The following TMEM178B variants were observed in gnomAD, a reference collection of about 807,000 sequenced individuals.
TMEM178B encodes the protein transmembrane protein 178B.
TMEM178B carries 5 observed loss-of-function variants against 31.0 expected under a neutral mutation model. The ratio of observed to expected loss-of-function variants is 0.16; its 90% CI spans 0.08 to 0.34. TMEM178B has a LOEUF of 0.34. TMEM178B is among the 10% of genes least tolerant of loss of function. TMEM178B has a pLI of 1.00. For synonymous variants in TMEM178B, 164 were observed against 164.0 expected, an observed-to-expected ratio of 1.00 and a Z score of 0.00; for missense variants, 275 against 400.3, an observed-to-expected ratio of 0.69 and a Z score of 2.67.
At chr7:141,431,699 C>T (rs2116670578) in intron 2 of TMEM178B, among the ~76,000 whole-genome samples, 1 of 152,290 alleles carries the variant, frequency 6.6e-6, no homozygotes, top group South Asian at 2.1e-4. Context: ...AGTCCCACAT[C>T]ATATTTTTCC....
At chr7:141,460,178 C>T (rs927182512) in intron 3 of TMEM178B, among the ~76,000 whole-genome samples, 1 of 152,206 alleles carries the variant, frequency 6.6e-6, no homozygotes, top group African/African-American at 2.4e-5. Context: ...TAAAACATTA[C>T]AAATTAATTT....
chr7:141,247,134 G>T (rs538167658), intron 2 of TMEM178B, among the ~76,000 whole-genome samples: 13 of 151,814 alleles, frequency 8.6e-5, no homozygotes, highest in East Asian at 5.8e-4. Context: ...TGTATATATA[G>T]AGAGAGAACT....
At chr7:141,239,781 T>A (rs1019405661) in intron 2 of TMEM178B, among the ~76,000 whole-genome samples, 1 of 152,176 alleles carries the variant, frequency 6.6e-6, no homozygotes, top group Non-Finnish European at 1.5e-5. Context: ...TACATGGAGC[T>A]TTTCCATAGG....
chr7:141,148,457 G>A (rs891067015), intron 1 of TMEM178B, among the ~76,000 whole-genome samples: 1 of 152,180 alleles, frequency 6.6e-6, no homozygotes, highest in Non-Finnish European at 1.5e-5. Context: ...GTGCAAAGTA[G>A]GCAGGGAAGT....
At position 141,411,592 on chromosome 7, in the gene TMEM178B, G is replaced by A. The variant is rs570202618; in HGVS notation, c.497-26016G>A. Among the ~76,000 whole-genome samples, 9 of 152,242 alleles carry A rather than the reference G, an allele frequency of 5.9e-5. No individual in the cohort carries two copies. In the South Asian group the frequency reaches 1.2e-3, roughly 21 times the overall value. On this transcript the variant is annotated intron_variant, in intron 2 of 3. Coordinates refer to ENST00000565468, the MANE Select transcript of TMEM178B (RefSeq NM_001195278.2). Reference sequence around the variant, plus strand: ...CTCTTAGCTTTAGGATATAAAAAATGGATTATGTATAATTTGGGTTGTTCA... The same window carrying A: ...CTCTTAGCTTTAGGATATAAAAAATAGATTATGTATAATTTGGGTTGTTCA...
At position 141,324,016 on chromosome 7, in the gene TMEM178B, C is replaced by T. The variant is rs796503757; in HGVS notation, c.496+111312C>T. 3.3e-5 allele frequency among the ~76,000 whole-genome samples: 5 copies of T among 152,048 alleles called. 1 individual carries two copies. The highest frequency in any genetic ancestry group is 1.2e-4 in the African/African-American group (5 of 41,470). On this transcript the variant is annotated intron_variant, in intron 2 of 3. Transcript: ENST00000565468. Reference sequence around the variant, plus strand: ...ACCAGCAAGTGCAAATGTCCTGAGGCATCGAGATGCTGGTACATTCAAGAA... The same window carrying T: ...ACCAGCAAGTGCAAATGTCCTGAGGTATCGAGATGCTGGTACATTCAAGAA...
intron 2 of TMEM178B, among the ~76,000 whole-genome samples, chr7:141,397,590 C>A (rs1800680376): frequency 6.6e-6 from 1 of 152,168 alleles, no homozygotes; most frequent in African/African-American, 2.4e-5. Flanking sequence ...TACCCGTCAG[C>A]CCATTTGTAA....
intron 2 of TMEM178B, among the ~76,000 whole-genome samples, chr7:141,233,374 T>C (rs1249091182): frequency 6.6e-6 from 1 of 152,258 alleles, no homozygotes; most frequent in Non-Finnish European, 1.5e-5. Flanking sequence ...AGGAAATTGC[T>C]GAAGGTCGAA....
At chr7:141,506,803 G>A in the TMEM178B span, among the ~76,000 whole-genome samples, 3 of 152,084 alleles carry the variant, frequency 2.0e-5, no homozygotes, top group Non-Finnish European at 4.4e-5. Context: ...AGTCCCTTCC[G>A]CCTATGAGCC....
intron 2 of TMEM178B, chr7:141,414,992 G>C (rs980700220): frequency 1.3e-5 from 2 of 152,290 alleles, no homozygotes; most frequent in Admixed American, 1.3e-4. Flanking sequence ...GAGAGGAAGT[G>C]CCTTCTCTCC....
intron 1 of TMEM178B, among the ~76,000 whole-genome samples, chr7:141,088,000 G>A (rs1041031362): frequency 6.6e-6 from 1 of 152,158 alleles, no homozygotes. Flanking sequence ...GGTAACCACA[G>A]GGCTGGAAGA....
rs529862841 is a variant in TMEM178B at position 141,348,510 on chromosome 7, G to T, written c.497-89098G>T. 2.0e-5 allele frequency among the ~76,000 whole-genome samples: 3 copies of T among 152,302 alleles called. No individual in the cohort carries two copies. The South Asian group carries it at 6.2e-4, about 32-fold the overall frequency. ...AGGAGACCATCTCTGGGCCATCTTG[G>T]CAATTGTAATTTAGGGGGAGAGCAG... On this transcript the variant is annotated intron_variant, in intron 2 of 3. Transcript: ENST00000565468.
rs1794570328 is a variant in TMEM178B at position 141,074,775 on chromosome 7, C to T, written c.382+83C>T. 2.1e-6 allele frequency: 3 copies of T among 1,429,642 alleles called. No homozygotes were observed. Among genetic ancestry groups the T allele is most frequent in the Admixed American group, 2.9e-5 (1 of 34,946 alleles). The allele number at this position is 1,429,642 out of a possible 1,614,324, so 88.6% of individuals were successfully genotyped here. On this transcript the variant is annotated intron_variant, in intron 1 of 3. Coordinates refer to ENST00000565468, the MANE Select transcript of TMEM178B (RefSeq NM_001195278.2). This position sits in a 1 kb window ranked among gnomAD's most constrained non-coding sequence, Gnocchi z 5.1. ...AGCCCCTCGCGTCTCCTTCCCAGGC[C>T]ACAGGCTATCAGGTCTCTGGGTTCC... is the stretch of plus-strand genomic sequence containing the variant.
intron 1 of TMEM178B, among the ~76,000 whole-genome samples, chr7:141,192,589 C>G (rs911785428): frequency 6.6e-6 from 1 of 151,858 alleles, no homozygotes; most frequent in Admixed American, 6.6e-5. Flanking sequence ...CCCAGCCTCC[C>G]GAATAGCTGC....
intron 1 of TMEM178B, among the ~76,000 whole-genome samples, chr7:141,170,422 A>T (rs1796328931): frequency 1.3e-5 from 2 of 151,716 alleles, no homozygotes; most frequent in Non-Finnish European, 2.9e-5. Flanking sequence ...TTTTTTATTG[A>T]GTGTGTTGTG....
At chr7:141,280,012 G>C (rs1412862865) in intron 2 of TMEM178B, among the ~76,000 whole-genome samples, 1 of 152,248 alleles carries the variant, frequency 6.6e-6, no homozygotes, top group Non-Finnish European at 1.5e-5. Context: ...TGGCATGAGA[G>C]GGGCAAGGGT....
intron 1 of TMEM178B, among the ~76,000 whole-genome samples, chr7:141,138,063 A>AT (rs202146160): frequency 0.11 from 15,390 of 141,276 alleles, 1,038 homozygotes; most frequent in Non-Finnish European, 0.16. Context: ...TTAAAATTCA[A>AT]TTTTTTTTTT....
At chr7:141,207,983 A>G (rs1032370156) in intron 1 of TMEM178B, among the ~76,000 whole-genome samples, 1 of 152,050 alleles carries the variant, frequency 6.6e-6, no homozygotes, top group Non-Finnish European at 1.5e-5. Flanking sequence ...TGAGCCTAAG[A>G]GTTTGAGACC....
chr7:141,209,166 T>G (rs1363135792), intron 1 of TMEM178B, among the ~76,000 whole-genome samples: 1 of 152,232 alleles, frequency 6.6e-6, no homozygotes, highest in Non-Finnish European at 1.5e-5. Flanking sequence ...GATGGTATTC[T>G]TGTTACAACC....
Sources: gnomAD v4.1 joint callset for allele counts (sites outside exome capture counted in the v4.1 genomes callset) on GRCh38, gnomAD v4.1.1 for gene constraint, Gnocchi (gnomAD v3.1) non-coding constraint, MANE v1.5 for transcripts, NCBI Gene and HGNC (gene_info 2026-07-23, HGNC 2026-07-21) for gene names.